Variants in SPOCK1 observed in about 807,000 individuals in gnomAD.
SPOCK1 encodes testican-1.
In SPOCK1, 23 loss-of-function variants were observed where a neutral mutation model predicts 55.3. The ratio of observed to expected loss-of-function variants is 0.42; its 90% CI spans 0.30 to 0.59. The LOEUF (loss-of-function observed/expected upper bound fraction) is 0.59, where lower values mean the gene tolerates loss of function less well. Ranked by LOEUF, SPOCK1 falls within the 20% of genes least tolerant of loss-of-function variation. SPOCK1 has a pLI of 0.22. For synonymous variants in SPOCK1, 226 were observed against 221.0 expected (o/e 1.02, Z -0.20); for missense variants, 499 against 552.5 (o/e 0.90, Z 0.97).
In SPOCK1 at chr5:137,160,571, TTATATAA is replaced by T. The variant is rs1422273972; in HGVS notation, c.233-19884_233-19878del. Among the ~76,000 whole-genome samples the T allele has an allele frequency of 4.1e-3, 222 of 53,684 alleles. 1 individual carries two copies. The highest frequency in any genetic ancestry group is 0.016 in the African/African-American group (213 of 13,314). 35.2% of individuals were successfully genotyped at this position (53,684 alleles called of 152,430 possible). On this transcript the variant is annotated intron_variant, in intron 3 of 10. Transcript: ENST00000394945. ...TATAATATATATTATATATTATATA[TTATATAA>T]TATATATAATATATAATATATTATA...
In SPOCK1 at chr5:137,160,413, A is replaced by G. The variant is rs373875002; in HGVS notation, c.233-19719T>C. On this transcript the variant is annotated intron_variant, in intron 3 of 10. Transcript: ENST00000394945. ...AAATATATATAAATATATGAAATAT[A>G]TATATAATATAATATATATATTATA... 1.1e-3 allele frequency among the ~76,000 whole-genome samples: 135 copies of G among 122,420 alleles called. 1 individual carries two copies. The East Asian group carries it at 0.023, about 21-fold the overall frequency. 80.3% of individuals were successfully genotyped at this position (122,420 alleles called of 152,430 possible). A position where few individuals can be genotyped will look rare whatever the true frequency, so the allele number is the denominator to read the frequency against.
chr5:137,381,382 A>G (rs1751462231), intron 2 of SPOCK1, among the ~76,000 whole-genome samples: 1 of 152,124 alleles, frequency 6.6e-6, no homozygotes, highest in Non-Finnish European at 1.5e-5. Flanking sequence ...GCAGCGCCCC[A>G]GTGGGGATTC....
intron 2 of SPOCK1, among the ~76,000 whole-genome samples, chr5:137,469,340 C>T (rs900564089): frequency 5.9e-5 from 9 of 152,302 alleles, no homozygotes; most frequent in African/African-American, 1.9e-4. Flanking sequence ...GTTATTCAGT[C>T]CTCCAAGAGT....
At chr5:137,482,622 A>G (rs1441917107) in intron 2 of SPOCK1, among the ~76,000 whole-genome samples, 1 of 152,196 alleles carries the variant, frequency 6.6e-6, no homozygotes, top group Non-Finnish European at 1.5e-5. Flanking sequence ...ATACCCAGCC[A>G]TGTGGTACTG....
intron 2 of SPOCK1, among the ~76,000 whole-genome samples, chr5:137,486,462 G>A (rs999743046): frequency 4.6e-5 from 7 of 152,180 alleles, no homozygotes; most frequent in East Asian, 3.8e-4. Context: ...TCACTTTGTC[G>A]CAAATAGAAA....
At chr5:137,412,160 T>C (rs1307187237) in intron 2 of SPOCK1, among the ~76,000 whole-genome samples, 1 of 152,192 alleles carries the variant, frequency 6.6e-6, no homozygotes, top group Non-Finnish European at 1.5e-5. Context: ...AGACAATCAT[T>C]TTCCAGGCCC....
intron 2 of SPOCK1, among the ~76,000 whole-genome samples, chr5:137,496,328 G>C (rs576202841): frequency 4.6e-5 from 7 of 152,104 alleles, no homozygotes; most frequent in Non-Finnish European, 8.8e-5. Context: ...AATAAAGATG[G>C]GAAATGAACA....
intron 6 of SPOCK1, among the ~76,000 whole-genome samples, chr5:137,057,879 T>G (rs746756606): frequency 1.3e-5 from 2 of 152,248 alleles, no homozygotes; most frequent in Non-Finnish European, 2.9e-5. Flanking sequence ...AATGAATTTT[T>G]ATCTTTAAGA....
At chr5:137,234,649 G>A (rs768128667) in intron 3 of SPOCK1, among the ~76,000 whole-genome samples, 4 of 152,106 alleles carry the variant, frequency 2.6e-5, no homozygotes, top group Non-Finnish European at 5.9e-5. Flanking sequence ...ATATGTAGAC[G>A]CTGGTCCCTA....
At chr5:137,434,318 C>G (rs151040505) in intron 2 of SPOCK1, among the ~76,000 whole-genome samples, 19 of 152,144 alleles carry the variant, frequency 1.2e-4, no homozygotes, top group Admixed American at 7.8e-4. Flanking sequence ...TAAAAAACAT[C>G]CCCCATTCCA....
At chr5:137,243,226 A>G (rs1415024818) in intron 3 of SPOCK1, among the ~76,000 whole-genome samples, 1 of 152,174 alleles carries the variant, frequency 6.6e-6, no homozygotes, top group Non-Finnish European at 1.5e-5. Context: ...TTCTCTTAAC[A>G]GCTAATACCT....
intron 5 of SPOCK1, among the ~76,000 whole-genome samples, chr5:137,075,821 A>C (rs1013782059): frequency 6.6e-6 from 1 of 152,014 alleles, no homozygotes; most frequent in Non-Finnish European, 1.5e-5. Context: ...TAAGCTCCCA[A>C]ACTGCACACA....
At chr5:137,335,408 C>A (rs1192278935) in intron 2 of SPOCK1, among the ~76,000 whole-genome samples, 2 of 152,214 alleles carry the variant, frequency 1.3e-5, no homozygotes, top group Non-Finnish European at 2.9e-5. Context: ...AGTGGAATGA[C>A]AGGTGCTTTT....
Position 136,976,189 on chromosome 5 carries a change from T to C in SPOCK1, c.*2465A>G, listed in dbSNP as rs1750611630. The C allele has an allele frequency of 6.6e-6, 1 of 152,198 alleles. No homozygotes were observed. The highest frequency in any genetic ancestry group is 2.4e-5 in the African/African-American group (1 of 41,450). 9.4% of individuals were successfully genotyped at this position (152,198 alleles called of 1,614,324 possible). ...AAAGATCTTTAAAAAAATCGAATGC[T>C]GTCATGTCAAAGTGAGGCATGAAAA... On this transcript the variant is annotated 3_prime_UTR_variant, in exon 11 of 11. Transcript: ENST00000394945.
intron 2 of SPOCK1, among the ~76,000 whole-genome samples, chr5:137,479,984 A>T (rs1753916020): frequency 6.6e-6 from 1 of 152,108 alleles, no homozygotes; most frequent in African/African-American, 2.4e-5. Flanking sequence ...TCAATCAGAC[A>T]TTCATCCCCA....
chr5:137,328,604 A>G (rs1758118089), intron 2 of SPOCK1, among the ~76,000 whole-genome samples: 1 of 152,232 alleles, frequency 6.6e-6, no homozygotes, highest in African/African-American at 2.4e-5. Flanking sequence ...AACAGCAGCC[A>G]GTGTGCTACA....
intron 3 of SPOCK1, among the ~76,000 whole-genome samples, chr5:137,160,540 A>T (rs7717469): frequency 0.028 from 1,392 of 49,140 alleles, 33 homozygotes; most frequent in Non-Finnish European, 0.041. Flanking sequence ...AAAAATATAT[A>T]ATATATATAA....
chr5:137,484,715 T>C (rs1429872597), intron 2 of SPOCK1, among the ~76,000 whole-genome samples: 4 of 152,188 alleles, frequency 2.6e-5, no homozygotes, highest in Admixed American at 6.5e-5. Context: ...TCATTGTAAA[T>C]GTAGAAAGAC....
rs745634969 is a variant in SPOCK1 at position 137,362,330 on chromosome 5, CT to C, written c.187-95276del. Reference sequence around the variant, plus strand: ...AGGACTTAACACAGACGTCAGCAACCTTTTTTTTTTTTTTTTTGAGACAGAG... The same window carrying C: ...AGGACTTAACACAGACGTCAGCAACCTTTTTTTTTTTTTTTTGAGACAGAG... On this transcript the variant is annotated intron_variant, in intron 2 of 10. Transcript: ENST00000394945. Among the ~76,000 whole-genome samples the C allele has an allele frequency of 5.9e-3, 812 of 136,570 alleles. 1 individual carries two copies. Among genetic ancestry groups the C allele is most frequent in the Middle Eastern group, 0.015 (4 of 262 alleles). The allele number at this position is 136,570 out of a possible 152,430, so 89.6% of individuals were successfully genotyped here. A position where few individuals can be genotyped will look rare whatever the true frequency, so the allele number is the denominator to read the frequency against.
Sources: allele counts gnomAD v4.1 joint callset (sites outside exome capture counted in the v4.1 genomes callset), GRCh38; gene constraint gnomAD v4.1.1; transcripts MANE v1.5; gene names NCBI Gene and HGNC (gene_info 2026-07-23, HGNC 2026-07-21).